The following SETX variants were observed in gnomAD, a reference collection of about 807,000 sequenced individuals.
The protein encoded by SETX is senataxin, also known as helicase senataxin.
In SETX, 90 loss-of-function variants were observed where a neutral mutation model predicts 227.2. The observed-to-expected ratio is 0.40, with a 90% confidence interval of 0.33 to 0.47. The LOEUF (loss-of-function observed/expected upper bound fraction) is 0.47. SETX is among the 20% of genes least tolerant of loss of function. The probability of loss-of-function intolerance (pLI) is 0.91; values close to 1 mark genes in which losing one functional copy is unlikely to be tolerated. For synonymous variants in SETX, 1,210 were observed against 1,113.2 expected, an observed-to-expected ratio of 1.09 and a Z score of -1.73; for missense variants, 3,052 against 3,181.5, an observed-to-expected ratio of 0.96 and a Z score of 0.98.
Position 132,328,817 on chromosome 9 carries a change from C to G in SETX, c.2781G>C (p.Met927Ile). The change falls in exon 10 of 26, where the codon ATG (methionine) becomes ATC (isoleucine). Residue 927 changes from methionine to isoleucine, a missense_variant. By Grantham distance (10) the Met-to-Ile change is conservative. This residue lies in a region of SETX where 1,483 missense variants were observed against 1,312.0 expected (regional missense o/e 1.13). Transcript: ENST00000224140. ...MTVPESRDEE[M>I]SNSTSVIYSN... ...AATAAATCACACTGGTACTATTACT[C>G]ATCTCCTCATCTCTTGATTCAGGTA... The G allele has an allele frequency of 6.2e-7, 1 of 1,612,222 alleles. No homozygotes were observed. Among genetic ancestry groups the G allele is most frequent in the Non-Finnish European group, 8.5e-7 (1 of 1,179,372 alleles).
At position 132,327,483 on chromosome 9, in the gene SETX, T is replaced by A. The variant is rs1846898746; in HGVS notation, c.4115A>T (p.Asp1372Val). ...RRRLSDCEST[D>V]VKRAGSHTAQ... ...TGTATGTGACCCTGCTCTTTTAACA[T>A]CTGTACTTTCACAATCAGAAAGTCT... is the stretch of plus-strand genomic sequence containing the variant. Residue 1372 changes from aspartate to valine, a missense_variant, in exon 10 of 26, where the codon GAT becomes GTT. Coordinates refer to ENST00000224140, the MANE Select transcript of SETX (RefSeq NM_015046.7). 1.9e-6 allele frequency: 3 copies of A among 1,614,034 alleles called. No homozygotes were observed. The highest frequency in any genetic ancestry group is 3.3e-5 in the Admixed American group (2 of 60,004).
At chr9:132,287,533 T>TA (rs1300128857) in intron 17 of SETX, among the ~76,000 whole-genome samples, 3 of 152,072 alleles carry the variant, frequency 2.0e-5, no homozygotes, top group Non-Finnish European at 4.4e-5. Context: ...TTTTCGTAAA[T>TA]AAAGTTCTAC....
At chr9:132,305,483 C>G (rs537154187) in intron 11 of SETX, among the ~76,000 whole-genome samples, 16 of 151,450 alleles carry the variant, frequency 1.1e-4, no homozygotes, top group Middle Eastern at 3.4e-3. Context: ...AGTAACTTCA[C>G]AGTGGAAACA....
chr9:132,301,556 T>C (rs1844997974), intron 11 of SETX, among the ~76,000 whole-genome samples: 1 of 152,192 alleles, frequency 6.6e-6, no homozygotes. Flanking sequence ...ATTTTTACTG[T>C]ATCTTTTCTA....
At chr9:132,301,669 C>T (rs542966106) in intron 11 of SETX, among the ~76,000 whole-genome samples, 2 of 152,268 alleles carry the variant, frequency 1.3e-5, no homozygotes, top group South Asian at 4.1e-4. Context: ...TAGGCTACAC[C>T]GCCTAGGTTC....
rs950722720 is a variant in SETX at position 132,297,173 on chromosome 9, A to G, written c.5782-119T>C. The G allele has an allele frequency of 1.8e-5, 15 of 830,048 alleles. No individual in the cohort carries two copies. In the African/African-American group the frequency reaches 2.7e-4, roughly 15 times the overall value. The allele number at this position is 830,048 out of a possible 1,614,324, so 51.4% of individuals were successfully genotyped here. On this transcript the variant is annotated intron_variant, in intron 13 of 25. Coordinates refer to ENST00000224140, the MANE Select transcript of SETX (RefSeq NM_015046.7). Reference sequence around the variant, plus strand: ...AATGCATGAGACAAAAGCTTTGGTTATGGTCAGACAAGACAAGGACACCAA... The same window carrying G: ...AATGCATGAGACAAAAGCTTTGGTTGTGGTCAGACAAGACAAGGACACCAA...
chr9:132,304,052 G>A (rs143130428), intron 11 of SETX, among the ~76,000 whole-genome samples: 2,053 of 152,216 alleles, frequency 0.013, 31 homozygotes, highest in South Asian at 0.054. Flanking sequence ...CCCGGGAGGC[G>A]GAGGTTGCAG....
chr9:132,273,843 A>G (rs1033881250), intron 23 of SETX, among the ~76,000 whole-genome samples: 2 of 152,198 alleles, frequency 1.3e-5, no homozygotes, highest in African/African-American at 4.8e-5. Context: ...GTTGAAAAAA[A>G]GCATTAAGAG....
intron 24 of SETX, among the ~76,000 whole-genome samples, chr9:132,270,392 T>G (rs57468429): frequency 0.074 from 10,825 of 146,728 alleles, 751 homozygotes; most frequent in East Asian, 0.38. Context: ...CTAGAATGAC[T>G]CAGCATGCCA....
chr9:132,302,660 CAAAAAAAAAAAAAAAAAAAGCA>C (rs1171996944), intron 11 of SETX, among the ~76,000 whole-genome samples: 11 of 33,306 alleles, frequency 3.3e-4, no homozygotes, highest in Admixed American at 1.4e-3. Context: ...GACTTTGTCT[CAAAAAAAAAAAAAAAAAAAGCA>C]AAAAAAAAAA....
intron 15 of SETX, among the ~76,000 whole-genome samples, chr9:132,293,727 T>TA (rs1388082665): frequency 1.3e-3 from 197 of 148,734 alleles, no homozygotes; most frequent in Non-Finnish European, 2.2e-3. Flanking sequence ...GCCTGCTAAT[T>TA]AAAAAAAAAA....
At chr9:132,325,160 T>G (rs185858455) in intron 10 of SETX, among the ~76,000 whole-genome samples, 15 of 151,950 alleles carry the variant, frequency 9.9e-5, no homozygotes, top group Non-Finnish European at 1.6e-4. Context: ...ATTGAGACCA[T>G]CCTGGCTAAC....
intron 15 of SETX, among the ~76,000 whole-genome samples, chr9:132,293,904 GTCCCA>G (rs1844500350): frequency 6.6e-6 from 1 of 151,786 alleles, no homozygotes; most frequent in Non-Finnish European, 1.5e-5. Context: ...GGCGCCTATA[GTCCCA>G]GCTACTCGGG....
rs1473613373 is a variant in SETX, at chr9:132,283,346, A to G, written c.6464T>C (p.Leu2155Ser). 2 of 1,614,078 alleles carry G rather than the reference A, an allele frequency of 1.2e-6. No individual in the cohort carries two copies. Among genetic ancestry groups the G allele is most frequent in the Non-Finnish European group, 1.7e-6 (2 of 1,180,042 alleles). ...ILESHIICCT[L>S]STSGGLLLES... ...AAGTAGTAAACCACCACTTGTGCTC[A>G]ACGTGCAGCAGATGATATGGGACTC... Residue 2155 changes from leucine (L) to serine (S), a missense_variant, in exon 19 of 26, where the codon TTG (leucine) becomes TCG (serine). Transcript: ENST00000224140.
chr9:132,300,936 A>T, intron 11 of SETX, 133 bp from the exon 12 acceptor site: 2 of 692,972 alleles, frequency 2.9e-6, no homozygotes, highest in Non-Finnish European at 4.6e-6. Flanking sequence ...CATATACTTT[A>T]AAATGGTAAT....
At chr9:132,271,864 A>T (rs1842919361) in intron 23 of SETX, 56 bp from the exon 24 acceptor site, 1 of 1,476,156 alleles carries the variant, frequency 6.8e-7, no homozygotes, top group Non-Finnish European at 9.4e-7. Flanking sequence ...TATTAAGTAT[A>T]CATATTTATA....
chr9:132,269,335 T>C (rs1842788388), intron 25 of SETX: 1 of 1,197,142 alleles, frequency 8.4e-7, no homozygotes, highest in African/African-American at 1.6e-5. Flanking sequence ...GCACTTTACA[T>C]CTGTGGGTTT....
At position 132,262,101 on chromosome 9, in the gene SETX, G is replaced by A. The variant is rs1357052900; in HGVS notation, c.*2138C>T. The A allele has an allele frequency of 2.0e-5, 3 of 152,256 alleles. No homozygotes were observed. The highest frequency in any genetic ancestry group is 4.8e-5 in the African/African-American group (2 of 41,454). 9.4% of individuals were successfully genotyped at this position (152,256 alleles called of 1,614,324 possible). A position where few individuals can be genotyped will look rare whatever the true frequency, so the allele number is the denominator to read the frequency against. On this transcript the variant is annotated 3_prime_UTR_variant, in exon 26 of 26. Transcript: ENST00000224140. ...GGACACAGGCTCGTCTGTTAGAAAG[G>A]ATGATCTAGTTCTACCATTAATTCT...
chr9:132,279,890 A>G (rs778296271), intron 20 of SETX, among the ~76,000 whole-genome samples: 8 of 152,230 alleles, frequency 5.3e-5, no homozygotes, highest in Non-Finnish European at 1.0e-4. Context: ...TCTGCACAGA[A>G]TGATTTTGCC....
Sources: allele counts gnomAD v4.1 joint callset (sites outside exome capture counted in the v4.1 genomes callset), GRCh38; gene constraint gnomAD v4.1.1; regional missense constraint gnomAD v4.1.1; transcripts MANE v1.5; gene names NCBI Gene and HGNC (gene_info 2026-07-23, HGNC 2026-07-21).